Variants in OR13A1 observed in about 807,000 individuals in gnomAD.
OR13A1 encodes olfactory receptor 13A1.
In OR13A1, 10 loss-of-function variants were observed where a neutral mutation model predicts 7.5. The ratio of observed to expected loss-of-function variants is 1.34; its 90% CI spans 0.83 to 2.27. OR13A1 has a LOEUF of 2.27. Ranked by LOEUF, OR13A1 falls within the 30% of genes most tolerant of loss-of-function variation. The pLI is 0.00. For missense variants in OR13A1, 509 were observed against 419.1 expected, an observed-to-expected ratio of 1.21 and a Z score of -1.87; for synonymous variants, 238 against 177.9, an observed-to-expected ratio of 1.34 and a Z score of -2.69.
At position 45,311,321 on chromosome 10, in the gene OR13A1, T is replaced by A. The variant is rs187516759; in HGVS notation, c.-224-3513A>T. On this transcript the variant is annotated intron_variant, in intron 1 of 3. Coordinates refer to ENST00000553795, the MANE Select transcript of OR13A1 (RefSeq NM_001004297.3). Reference sequence around the variant, plus strand: ...ACATGATTAAAAAGAGAAATACCATTGTATCAGAGCTCCTCAACTTAATTA... The same window carrying A: ...ACATGATTAAAAAGAGAAATACCATAGTATCAGAGCTCCTCAACTTAATTA... 7.2e-5 allele frequency among the ~76,000 whole-genome samples: 11 copies of A among 152,330 alleles called. No homozygotes were observed. In the East Asian group the frequency reaches 2.1e-3, roughly 29 times the overall value.
chr10:45,305,199 A>C (rs1838303032), intron 3 of OR13A1, among the ~76,000 whole-genome samples: 1 of 152,056 alleles, frequency 6.6e-6, no homozygotes, highest in Non-Finnish European at 1.5e-5. Context: ...ACGATGCTGC[A>C]CTCTAGCCTG....
chr10:45,311,130 A>AT (rs1838436381), intron 1 of OR13A1, among the ~76,000 whole-genome samples: 1 of 152,172 alleles, frequency 6.6e-6, no homozygotes, highest in Non-Finnish European at 1.5e-5. Flanking sequence ...CCACTGCTCA[A>AT]TTTTTCCAGG....
chr10:45,302,742 A>T lies in OR13A1; in HGVS notation c.*694T>A, dbSNP rs555701952. On this transcript the variant is annotated 3_prime_UTR_variant, in exon 4 of 4. Transcript: ENST00000553795. ...GTTTTATCTGAAACAATGGAAGGAT[A>T]GCAATGCCTTACTACAATGCCGTTT... 6.6e-6 allele frequency: 1 copy of T among 152,390 alleles called. No homozygotes were observed. The highest frequency in any genetic ancestry group is 2.4e-5 in the African/African-American group (1 of 41,592). The allele number at this position is 152,390 out of a possible 1,614,324, so 9.4% of individuals were successfully genotyped here. A position where few individuals can be genotyped will look rare whatever the true frequency, so the allele number is the denominator to read the frequency against.
intron 1 of OR13A1, among the ~76,000 whole-genome samples, chr10:45,313,238 G>A (rs1482033549): frequency 6.6e-6 from 1 of 151,870 alleles, no homozygotes; most frequent in Non-Finnish European, 1.5e-5. Context: ...AACACTTTAA[G>A]ATGTTTTTTA....
chr10:45,308,470 G>A (rs889768015), intron 1 of OR13A1, among the ~76,000 whole-genome samples: 9 of 152,188 alleles, frequency 5.9e-5, no homozygotes, highest in Non-Finnish European at 7.3e-5. Flanking sequence ...ACGTATTTAA[G>A]GCTGGGGTGT....
intron 1 of OR13A1, among the ~76,000 whole-genome samples, chr10:45,309,644 T>C (rs1226493254): frequency 6.6e-6 from 1 of 152,178 alleles, no homozygotes; most frequent in African/African-American, 2.4e-5. Context: ...CCTTATCGCC[T>C]TATCACAGTA....
chr10:45,313,960 T>C (rs1176966191), intron 1 of OR13A1, among the ~76,000 whole-genome samples: 5 of 152,198 alleles, frequency 3.3e-5, no homozygotes, highest in African/African-American at 1.2e-4. Context: ...GAATAGTATT[T>C]TTCTCAAGTT....
chr10:45,312,383 A>T (rs998672720), intron 1 of OR13A1, among the ~76,000 whole-genome samples: 4 of 152,110 alleles, frequency 2.6e-5, no homozygotes, highest in Non-Finnish European at 4.4e-5. Flanking sequence ...AGACACAAAG[A>T]TAAGAATTAC....
intron 1 of OR13A1, among the ~76,000 whole-genome samples, chr10:45,312,572 C>CAA (rs34131771): frequency 4.8e-3 from 712 of 148,984 alleles, no homozygotes; most frequent in Admixed American, 8.0e-3. Flanking sequence ...AAGATATGAA[C>CAA]AAAAAAAAAA....
chr10:45,303,027 G>C lies in OR13A1; in HGVS notation c.*409C>G, dbSNP rs889805098. 1 of 164,100 alleles carries C rather than the reference G, an allele frequency of 6.1e-6. No individual in the cohort carries two copies. Among genetic ancestry groups the C allele is most frequent in the South Asian group, 1.9e-4 (1 of 5,364 alleles). The allele number at this position is 164,100 out of a possible 1,614,324, so 10.2% of individuals were successfully genotyped here. A position where few individuals can be genotyped will look rare whatever the true frequency, so the allele number is the denominator to read the frequency against. ...CTGACAACCCTTCAGGGGCTGTGGG[G>C]TCCACAATTCTGCCTAACTTTTTAG... On this transcript the variant is annotated 3_prime_UTR_variant, in exon 4 of 4. Coordinates refer to ENST00000553795, the MANE Select transcript of OR13A1 (RefSeq NM_001004297.3).
intron 1 of OR13A1, among the ~76,000 whole-genome samples, chr10:45,309,288 C>T (rs1392298125): frequency 6.6e-6 from 1 of 152,130 alleles, no homozygotes; most frequent in Non-Finnish European, 1.5e-5. Flanking sequence ...GCAAATGTTT[C>T]CATGCTTCTC....
At position 45,304,248 on chromosome 10, in the gene OR13A1, C is replaced by T; in HGVS notation, c.175G>A (p.Gly59Ser). Residue 59 changes from glycine (G) to serine (S), a missense_variant, in exon 4 of 4, where the codon GGT becomes AGT. Physicochemically the swap from Gly to Ser is moderately conservative, Grantham distance 56 (BLOSUM62 0). Coordinates refer to ENST00000553795, the MANE Select transcript of OR13A1 (RefSeq NM_001004297.3). ...FLFLYSGALT[G>S]NVLITLAITF... is the part of the protein sequence containing the mutation. ...ATGGCCAAGGTGATGAGGACATTAC[C>T]TGTGAGGGCCCCAGAGTAGAGGAAG... is the stretch of plus-strand genomic sequence containing the variant. The T allele has an allele frequency of 6.2e-7, 1 of 1,614,168 alleles. No homozygotes were observed. The highest frequency in any genetic ancestry group is 8.5e-7 in the Non-Finnish European group (1 of 1,180,036).
Position 45,304,280 on chromosome 10 carries a change from C to T in OR13A1, c.143G>A (p.Cys48Tyr). Residue 48 changes from cysteine (C) to tyrosine (Y), a missense_variant, in exon 4 of 4, where the codon TGT becomes TAT. Physicochemically the swap from Cys to Tyr is radical, Grantham distance 194 (BLOSUM62 -2). Coordinates refer to ENST00000553795, the MANE Select transcript of OR13A1 (RefSeq NM_001004297.3). ...GGCCCCAGAGTAGAGGAAGAGGAAACAGCTGAATAAGAACACCCGGTATTC... is the reference window on the plus strand; with the variant it reads ...GGCCCCAGAGTAGAGGAAGAGGAAATAGCTGAATAAGAACACCCGGTATTC... Reference protein sequence around the residue: ...HPEYRVFLFSCFLFLYSGALT... With the variant: ...HPEYRVFLFSYFLFLYSGALT... 1 of 1,614,144 alleles carries T rather than the reference C, an allele frequency of 6.2e-7. No individual in the cohort carries two copies. The highest frequency in any genetic ancestry group is 2.2e-5 in the East Asian group (1 of 44,878).
chr10:45,309,664 G>A (rs1838404271), intron 1 of OR13A1, among the ~76,000 whole-genome samples: 2 of 152,126 alleles, frequency 1.3e-5, no homozygotes, highest in African/African-American at 2.4e-5. Flanking sequence ...ACCTAATACA[G>A]GAAAGGGGAT....
chr10:45,304,684 C>G (rs1838291734), intron 3 of OR13A1, among the ~76,000 whole-genome samples: 1 of 152,174 alleles, frequency 6.6e-6, no homozygotes, highest in Non-Finnish European at 1.5e-5. Flanking sequence ...CTTCATCATC[C>G]ATGATCTGGC....
chr10:45,315,388 T>G (rs1055816744), intron 1 of OR13A1, 136 bp downstream of exon 1: 5 of 152,124 alleles, frequency 3.3e-5, no homozygotes, highest in Admixed American at 2.0e-4. Context: ...CAAAACAGCA[T>G]GATCATTTAT....
At position 45,303,426 on chromosome 10, in the gene OR13A1, A is replaced by T. The variant is rs757084263; in HGVS notation, c.*10T>A. 60 of 1,576,430 alleles carry T rather than the reference A, an allele frequency of 3.8e-5. No homozygotes were observed. The Admixed American group carries it at 1.1e-3, about 28-fold the overall frequency. ...CAGTCTCCAAGGACAAAAACTTCAG[A>T]AGACACAAGTTAATTTCTGAAGAAA... On this transcript the variant is annotated 3_prime_UTR_variant, in exon 4 of 4. Transcript: ENST00000553795.
At chr10:45,308,533 G>A (rs896980974) in intron 1 of OR13A1, among the ~76,000 whole-genome samples, 1 of 152,174 alleles carries the variant, frequency 6.6e-6, no homozygotes, top group Admixed American at 6.5e-5. Context: ...TTACCCTGTT[G>A]TTTTGTTACT....
At chr10:45,309,108 G>T (rs993072403) in intron 1 of OR13A1, among the ~76,000 whole-genome samples, 2 of 151,938 alleles carry the variant, frequency 1.3e-5, no homozygotes, top group Admixed American at 6.5e-5. Context: ...GGGCCCAAGT[G>T]GGGGAGGAGG....
Sources: gnomAD v4.1 joint callset for allele counts (sites outside exome capture counted in the v4.1 genomes callset) on GRCh38, gnomAD v4.1.1 for gene constraint, MANE v1.5 for transcripts, NCBI Gene and HGNC (gene_info 2026-07-23, HGNC 2026-07-21) for gene names.